The following STARD5 variants were observed in gnomAD, a reference collection of about 807,000 sequenced individuals.
The protein encoded by STARD5 is StAR related lipid transfer domain containing 5.
STARD5 carries 26 observed loss-of-function variants against 24.6 expected under a neutral mutation model. The ratio of observed to expected loss-of-function variants is 1.06; its 90% confidence interval spans 0.77 to 1.47. The LOEUF (loss-of-function observed/expected upper bound fraction) is 1.47. STARD5 is among the 40% of genes most tolerant of loss of function. The pLI is 0.00. For missense variants in STARD5, 254 were observed against 270.8 expected, an observed-to-expected ratio of 0.94 and a Z score of 0.44; for synonymous variants, 101 against 99.7, an observed-to-expected ratio of 1.01 and a Z score of -0.07.
chr15:81,310,824 G>C lies in STARD5; in HGVS notation c.*2432C>G, dbSNP rs752530434. On this transcript the variant is annotated 3_prime_UTR_variant, in exon 6 of 6. Coordinates refer to ENST00000302824, the MANE Select transcript of STARD5 (RefSeq NM_181900.3). ...GCTGGCCGTGGGCCTGGGGTACCAA[G>C]AGACTCCTTGAGAGACCAGGCAAAG... 2 of 152,280 alleles carry C rather than the reference G, an allele frequency of 1.3e-5. No individual in the cohort carries two copies. The highest frequency in any genetic ancestry group is 2.4e-5 in the African/African-American group (1 of 41,448). 9.4% of individuals were successfully genotyped at this position (152,280 alleles called of 1,614,324 possible).
rs556784248 is a variant in STARD5 at position 81,324,126 on chromosome 15, G to A, written c.-27C>T. 5 of 1,322,630 alleles carry A rather than the reference G, an allele frequency of 3.8e-6. No homozygotes were observed. Among genetic ancestry groups the A allele is most frequent in the South Asian group, 2.3e-5 (1 of 44,268 alleles). The allele number at this position is 1,322,630 out of a possible 1,614,324, so 81.9% of individuals were successfully genotyped here. A position where few individuals can be genotyped will look rare whatever the true frequency, so the allele number is the denominator to read the frequency against. ...GCGTCGGGAGCTGCGCTTAGCTGCG[G>A]GGTCGCGGGTGTTATGAGCGGCGGC... is the stretch of plus-strand genomic sequence containing the variant. On this transcript the variant is annotated 5_prime_UTR_variant, in exon 1 of 6. Coordinates refer to ENST00000302824, the MANE Select transcript of STARD5 (RefSeq NM_181900.3).
intron 5 of STARD5, among the ~76,000 whole-genome samples, chr15:81,315,648 C>G (rs565111344): frequency 4.8e-4 from 73 of 152,254 alleles, no homozygotes; most frequent in African/African-American, 1.7e-3. Context: ...CCCCCGCCCC[C>G]CGCGCCACTT....
At position 81,324,124 on chromosome 15, in the gene STARD5, C is replaced by T. The variant is rs1267270741; in HGVS notation, c.-25G>A. Reference sequence around the variant, plus strand: ...TTGCGTCGGGAGCTGCGCTTAGCTGCGGGGTCGCGGGTGTTATGAGCGGCG... The same window carrying T: ...TTGCGTCGGGAGCTGCGCTTAGCTGTGGGGTCGCGGGTGTTATGAGCGGCG... On this transcript the variant is annotated 5_prime_UTR_variant, in exon 1 of 6. Coordinates refer to ENST00000302824, the MANE Select transcript of STARD5 (RefSeq NM_181900.3). The T allele has an allele frequency of 1.5e-6, 2 of 1,324,522 alleles. No homozygotes were observed. Among genetic ancestry groups the T allele is most frequent in the African/African-American group, 3.0e-5 (2 of 66,034 alleles). 82.0% of individuals were successfully genotyped at this position (1,324,522 alleles called of 1,614,324 possible).
chr15:81,315,139 C>G (rs1389223580), intron 5 of STARD5, among the ~76,000 whole-genome samples: 3 of 152,082 alleles, frequency 2.0e-5, no homozygotes, highest in Non-Finnish European at 4.4e-5. Context: ...CCCACCAACC[C>G]CTGCCCATCC....
chr15:81,317,190 G>A (rs770196491), intron 5 of STARD5, among the ~76,000 whole-genome samples: 35 of 116,960 alleles, frequency 3.0e-4, no homozygotes, highest in African/African-American at 1.5e-3. Flanking sequence ...GCCAAACTCC[G>A]TCTCAAAAAA....
chr15:81,321,213 G>A (rs77483993), intron 3 of STARD5, among the ~76,000 whole-genome samples: 4,363 of 152,262 alleles, frequency 0.029, 98 homozygotes, highest in East Asian at 0.14. Flanking sequence ...CTCATCTAAA[G>A]ACGCAAAATG....
chr15:81,320,209 G>A (rs933487713), intron 3 of STARD5, among the ~76,000 whole-genome samples: 1 of 152,212 alleles, frequency 6.6e-6, no homozygotes, highest in African/African-American at 2.4e-5. Flanking sequence ...CTCGGGGTAG[G>A]TGAGAGGGGC....
chr15:81,322,607 A>C, intron 2 of STARD5, 67 bp from the exon 3 acceptor site: 1 of 1,607,172 alleles, frequency 6.2e-7, no homozygotes. Flanking sequence ...ATTGTATCTA[A>C]GGACTAGAAG....
rs1900969944 is a variant in STARD5, at chr15:81,313,375, A to G, written c.523T>C (p.Phe175Leu). 6.4e-7 allele frequency: 1 copy of G among 1,573,128 alleles called. No individual in the cohort carries two copies. The highest frequency in any genetic ancestry group is 8.6e-7 in the Non-Finnish European group (1 of 1,158,946). Residue 175 changes from phenylalanine (F) to leucine (L), a missense_variant, in exon 6 of 6, where the codon TTC (phenylalanine) becomes CTC (leucine). Phe to Leu is a conservative substitution (Grantham distance 22). Transcript: ENST00000302824. ...TAACCGCTGAGGTCGGTATGGAAGA[A>G]TGTGACCAGGTTGGTCTTGGTGGGT... ...GEPTKTNLVTFFHTDLSGYLP... is the reference protein window; with the variant it reads ...GEPTKTNLVTLFHTDLSGYLP...
intron 1 of STARD5, chr15:81,323,525 CA>C (rs1199231158): frequency 2.9e-6 from 2 of 701,250 alleles, no homozygotes; most frequent in African/African-American, 3.6e-5. Flanking sequence ...TACCCTCTGG[CA>C]ACGACAAAGA....
chr15:81,319,038 T>A (rs939308202), intron 4 of STARD5, among the ~76,000 whole-genome samples: 1 of 151,580 alleles, frequency 6.6e-6, no homozygotes, highest in African/African-American at 2.4e-5. Flanking sequence ...TGCACACAAG[T>A]TTTTTGCCAC....
chr15:81,316,846 G>A (rs867254040), intron 5 of STARD5, among the ~76,000 whole-genome samples: 6 of 152,160 alleles, frequency 3.9e-5, no homozygotes, highest in African/African-American at 1.2e-4. Flanking sequence ...GTCAACACTT[G>A]AGTTAAAACC....
rs1399305348 is a variant in STARD5, at chr15:81,322,560, T to C, written c.150-20A>G. The C allele has an allele frequency of 1.2e-6, 2 of 1,614,044 alleles. No homozygotes were observed. Among genetic ancestry groups the C allele is most frequent in the South Asian group, 2.2e-5 (2 of 91,068 alleles). ...CGGTACCTGGAGCACGAAAAGGAAT[T>C]TGACCCCAACGCATCAATCAAACTT... On this transcript the variant is annotated intron_variant, in intron 2 of 5. Transcript: ENST00000302824.
chr15:81,322,683 T>A, intron 2 of STARD5, 143 bp from the exon 3 acceptor site: 1 of 1,368,716 alleles, frequency 7.3e-7, no homozygotes, highest in Non-Finnish European at 1.0e-6. Context: ...TGAAAGTCAC[T>A]AGCCCCGCCT....
intron 5 of STARD5, among the ~76,000 whole-genome samples, chr15:81,315,608 T>C (rs999243590): frequency 1.3e-4 from 20 of 152,214 alleles, no homozygotes; most frequent in African/African-American, 4.6e-4. Flanking sequence ...CGACCACAGA[T>C]ACAGGCTCCT....
In STARD5 at chr15:81,312,572, T is replaced by A. The variant is rs1900917821; in HGVS notation, c.*684A>T. The A allele has an allele frequency of 6.6e-6, 1 of 152,228 alleles. No homozygotes were observed. The highest frequency in any genetic ancestry group is 2.1e-4 in the South Asian group (1 of 4,832). The allele number at this position is 152,228 out of a possible 1,614,324, so 9.4% of individuals were successfully genotyped here. A position where few individuals can be genotyped will look rare whatever the true frequency, so the allele number is the denominator to read the frequency against. On this transcript the variant is annotated 3_prime_UTR_variant, in exon 6 of 6. Coordinates refer to ENST00000302824, the MANE Select transcript of STARD5 (RefSeq NM_181900.3). ...TGCTGCAGATTTGGGCTGGAACAGA[T>A]TCACACTGTCTGGTTTCACCGAGGA...
At chr15:81,319,863 A>T (rs1415567178) in intron 3 of STARD5, among the ~76,000 whole-genome samples, 7 of 152,210 alleles carry the variant, frequency 4.6e-5, no homozygotes, top group African/African-American at 1.4e-4. Context: ...ACTCAGCACG[A>T]AGCTCATGGT....
chr15:81,319,481 C>T, intron 3 of STARD5, 25 bp from the exon 4 acceptor site: 2 of 1,600,084 alleles, frequency 1.2e-6, no homozygotes, highest in Non-Finnish European at 1.7e-6. Flanking sequence ...AAGCATGTAG[C>T]TGTGACTGCT....
At chr15:81,316,192 G>A (rs1017192435) in intron 5 of STARD5, among the ~76,000 whole-genome samples, 1 of 152,084 alleles carries the variant, frequency 6.6e-6, no homozygotes, top group Non-Finnish European at 1.5e-5. Context: ...TTGCTCAAAC[G>A]TCTTATTAGG....
Sources: allele counts gnomAD v4.1 joint callset (sites outside exome capture counted in the v4.1 genomes callset), GRCh38; gene constraint gnomAD v4.1.1; transcripts MANE v1.5; gene names NCBI Gene and HGNC (gene_info 2026-07-23, HGNC 2026-07-21).